Variants in UNC79 observed in about 807,000 individuals in gnomAD.
UNC79 encodes protein unc-79 homolog.
Under a neutral mutation model 283.1 loss-of-function variants are expected in UNC79, and 37 were observed. The observed-to-expected ratio is 0.13, with a 90% CI of 0.10 to 0.17. UNC79 has a LOEUF of 0.17. UNC79 is among the 10% of genes least tolerant of loss of function. The probability of loss-of-function intolerance (pLI) is 1.00; values close to 1 mark genes in which losing one functional copy is unlikely to be tolerated. For missense variants in UNC79, 2,272 were observed against 3,211.1 expected (o/e 0.71, Z 7.07); for synonymous variants, 1,107 against 1,200.2 (o/e 0.92, Z 1.61).
chr14:93,700,270 T>A (rs1205660453), intron 47 of UNC79, among the ~76,000 whole-genome samples: 1 of 152,148 alleles, frequency 6.6e-6, no homozygotes, highest in Non-Finnish European at 1.5e-5. Context: ...ATATTTCTGG[T>A]GCTTGGGTTT....
chr14:93,461,972 AAAAG>A (rs113022011), intron 1 of UNC79, among the ~76,000 whole-genome samples: 6 of 145,884 alleles, frequency 4.1e-5, no homozygotes, highest in African/African-American at 1.3e-4. Context: ...CAAAAAAAAA[AAAAG>A]AAAGAAAAGA....
intron 47 of UNC79, among the ~76,000 whole-genome samples, chr14:93,695,526 C>A (rs575417624): frequency 2.0e-5 from 3 of 152,234 alleles, no homozygotes; most frequent in Non-Finnish European, 4.4e-5. Context: ...TTAAAACGTG[C>A]AGTTTGGTAA....
At chr14:93,502,760 G>C (rs2059358344) in intron 7 of UNC79, among the ~76,000 whole-genome samples, 1 of 152,188 alleles carries the variant, frequency 6.6e-6, no homozygotes, top group Admixed American at 6.5e-5. Context: ...TTCCAAGACA[G>C]GGACTGTACC....
At chr14:93,679,595 G>A (rs554429205) in intron 41 of UNC79, among the ~76,000 whole-genome samples, 56 of 152,232 alleles carry the variant, frequency 3.7e-4, no homozygotes, top group Non-Finnish European at 7.2e-4. Flanking sequence ...GTGGGCTGGA[G>A]GACAGAGAAC....
chr14:93,630,963 T>A lies in UNC79; in HGVS notation c.5716+55T>A, dbSNP rs984219643. The A allele has an allele frequency of 5.4e-6, 8 of 1,482,418 alleles. No individual in the cohort carries two copies. In the African/African-American group the frequency reaches 1.1e-4, roughly 21 times the overall value. 91.8% of individuals were successfully genotyped at this position (1,482,418 alleles called of 1,614,324 possible). A position where few individuals can be genotyped will look rare whatever the true frequency, so the allele number is the denominator to read the frequency against. On this transcript the variant is annotated intron_variant, in intron 31 of 48. Transcript: ENST00000555664. The stretch of plus-strand genomic sequence containing the variant: ...TATGCATTTATTTTGGAACACTGTC[T>A]GCTGCCTTGTTTTCAATTTTCCCAA...
At chr14:93,637,390 T>C in intron 32 of UNC79, 91 bp downstream of exon 35, 1 of 1,555,888 alleles carries the variant, frequency 6.4e-7, no homozygotes, top group Non-Finnish European at 8.7e-7. Context: ...AGGCTTTTTC[T>C]TAGCACCTCC....
intron 24 of UNC79, among the ~76,000 whole-genome samples, chr14:93,599,465 C>T (rs1438076355): frequency 1.3e-5 from 2 of 152,098 alleles, no homozygotes; most frequent in South Asian, 2.1e-4. Context: ...CAAGCTTGCA[C>T]GACCTGAAAG....
intron 16 of UNC79, 33 bp from the exon 17 acceptor site, chr14:93,575,025 G>GT (rs1163511659): frequency 5.1e-6 from 8 of 1,573,784 alleles, no homozygotes; most frequent in Non-Finnish European, 4.3e-6. Flanking sequence ...ATTTACATGT[G>GT]TTTTTTGGGG....
intron 1 of UNC79, among the ~76,000 whole-genome samples, chr14:93,396,105 C>T (rs1267880487): frequency 6.6e-6 from 1 of 152,038 alleles, no homozygotes; most frequent in Non-Finnish European, 1.5e-5. Context: ...ACAGACTAGA[C>T]ACTCTCAATC....
intron 1 of UNC79, among the ~76,000 whole-genome samples, chr14:93,353,966 A>G (rs2054029558): frequency 1.3e-5 from 2 of 152,244 alleles, no homozygotes; most frequent in African/African-American, 4.8e-5. Flanking sequence ...AAAATAGGGT[A>G]TGGAAAATAG....
chr14:93,366,730 G>A (rs567358135), intron 1 of UNC79, among the ~76,000 whole-genome samples: 36 of 151,920 alleles, frequency 2.4e-4, no homozygotes, highest in African/African-American at 7.5e-4. Context: ...GCAACACCAC[G>A]ACCAGCAAAT....
At chr14:93,613,155 T>A in intron 27 of UNC79, 72 bp downstream of exon 28, 3 of 1,573,794 alleles carry the variant, frequency 1.9e-6, no homozygotes, top group Non-Finnish European at 1.7e-6. Flanking sequence ...ACATACCATG[T>A]AGCCAACGTT....
chr14:93,635,474 A>G (rs1434216839), intron 31 of UNC79, among the ~76,000 whole-genome samples: 1 of 152,228 alleles, frequency 6.6e-6, no homozygotes, highest in East Asian at 1.9e-4. Context: ...TATCGTGATT[A>G]ATACTTTCTG....
intron 1 of UNC79, among the ~76,000 whole-genome samples, chr14:93,419,660 G>GT (rs2055548163): frequency 6.6e-6 from 1 of 151,774 alleles, no homozygotes; most frequent in East Asian, 1.9e-4. Flanking sequence ...GTGTTAAGTT[G>GT]TTATCAGCTT....
At position 93,566,538 on chromosome 14, in the gene UNC79, G is replaced by A. The variant is rs186830246; in HGVS notation, c.1756-5356G>A. Among the ~76,000 whole-genome samples, 5 of 152,128 alleles carry A rather than the reference G, an allele frequency of 3.3e-5. No individual in the cohort carries two copies. The East Asian group carries it at 5.8e-4, about 18-fold the overall frequency. On this transcript the variant is annotated intron_variant, in intron 14 of 48. Transcript: ENST00000555664. The stretch of plus-strand genomic sequence containing the variant: ...AACAGGCCACCTGGTGGTCTGGCCC[G>A]CGGCAACAATGCTGTAAATCAATAG...
intron 23 of UNC79, among the ~76,000 whole-genome samples, chr14:93,594,930 G>A (rs2064958646): frequency 6.6e-6 from 1 of 152,030 alleles, no homozygotes; most frequent in Admixed American, 6.5e-5. Context: ...CTTAATATAT[G>A]GCCACTTCAA....
intron 47 of UNC79, among the ~76,000 whole-genome samples, chr14:93,696,996 A>G (rs1426037430): frequency 2.0e-5 from 3 of 152,170 alleles, no homozygotes. Context: ...ATGGATAGTC[A>G]GTTATTCCAG....
chr14:93,679,635 C>T (rs1190340277), intron 41 of UNC79, among the ~76,000 whole-genome samples: 2 of 152,112 alleles, frequency 1.3e-5, no homozygotes, highest in Non-Finnish European at 2.9e-5. Flanking sequence ...GTTTTTAATT[C>T]ACAGAGTTAT....
chr14:93,457,874 A>G (rs1039037280), intron 1 of UNC79, among the ~76,000 whole-genome samples: 1 of 152,230 alleles, frequency 6.6e-6, no homozygotes, highest in Non-Finnish European at 1.5e-5. Context: ...AATAGGGCCA[A>G]TAAGTAGATC....
Sources: allele counts gnomAD v4.1 joint callset (sites outside exome capture counted in the v4.1 genomes callset), GRCh38; gene constraint gnomAD v4.1.1; transcripts MANE v1.5; gene names NCBI Gene and HGNC (gene_info 2026-07-23, HGNC 2026-07-21).